The following SPIDR variants were observed in gnomAD, a reference collection of about 807,000 sequenced individuals.
The protein encoded by SPIDR is DNA repair-scaffolding protein.
SPIDR carries 93 observed loss-of-function variants against 104.6 expected under a neutral mutation model. The observed-to-expected ratio is 0.89, with a 90% confidence interval of 0.75 to 1.06. The LOEUF (loss-of-function observed/expected upper bound fraction) is 1.06. SPIDR is among the 50% of genes least tolerant of loss of function. The pLI is 0.00. For missense variants in SPIDR, 1,154 were observed against 1,111.2 expected, an observed-to-expected ratio of 1.04 and a Z score of -0.55; for synonymous variants, 431 against 416.9, an observed-to-expected ratio of 1.03 and a Z score of -0.41.
At chr8:47,261,289 A>C (rs897364904) in intron 1 of SPIDR, among the ~76,000 whole-genome samples, 9 of 152,190 alleles carry the variant, frequency 5.9e-5, no homozygotes, top group African/African-American at 2.2e-4. Context: ...CCTCGGGGGT[A>C]CTTGGCCTTA....
At chr8:47,683,014 CA>C (rs2077295644) in intron 11 of SPIDR, among the ~76,000 whole-genome samples, 1 of 152,174 alleles carries the variant, frequency 6.6e-6, no homozygotes, top group Non-Finnish European at 1.5e-5. Context: ...TTGGAACACC[CA>C]TCTGTTTGAT....
chr8:47,500,434 A>G (rs1415006085), intron 8 of SPIDR, among the ~76,000 whole-genome samples: 3 of 152,210 alleles, frequency 2.0e-5, no homozygotes, highest in African/African-American at 7.2e-5. Flanking sequence ...GGCTGCATAA[A>G]TGTCTTCTTT....
chr8:47,357,886 T>G (rs1777930020), intron 5 of SPIDR: 1 of 983,642 alleles, frequency 1.0e-6, no homozygotes, highest in South Asian at 4.7e-5. Context: ...TAAATGATAC[T>G]GGAGAGCATT....
chr8:47,340,671 G>A (rs1198905277), intron 5 of SPIDR, among the ~76,000 whole-genome samples: 1 of 152,158 alleles, frequency 6.6e-6, no homozygotes, highest in Non-Finnish European at 1.5e-5. Flanking sequence ...GTAATTAGGT[G>A]GAGATCTCTG....
At chr8:47,511,216 T>G in intron 8 of SPIDR, 1 of 1,591,406 alleles carries the variant, frequency 6.3e-7, no homozygotes, top group Non-Finnish European at 8.6e-7. Flanking sequence ...GTTAAATTTC[T>G]GCACCAGCCT....
At chr8:47,385,758 A>G (rs907909162) in intron 5 of SPIDR, among the ~76,000 whole-genome samples, 3 of 152,224 alleles carry the variant, frequency 2.0e-5, no homozygotes, top group African/African-American at 7.2e-5. Context: ...TTGTACATCA[A>G]AGAAAACAAA....
intron 5 of SPIDR, among the ~76,000 whole-genome samples, chr8:47,307,919 T>C (rs2043385297): frequency 1.3e-5 from 2 of 152,070 alleles, no homozygotes; most frequent in South Asian, 4.1e-4. Flanking sequence ...TCAAGGACAG[T>C]TGTGTTGTTT....
At position 47,421,104 on chromosome 8, in the gene SPIDR, T is replaced by G. The variant is rs539518347; in HGVS notation, c.877+13143T>G. ...TTATGTGTCTTGGAGTTGCTCTTCTTGAACAGTATCTTTGTGCTGTTCTCT... is the reference window on the plus strand; with the variant it reads ...TTATGTGTCTTGGAGTTGCTCTTCTGGAACAGTATCTTTGTGCTGTTCTCT... On this transcript the variant is annotated intron_variant, in intron 7 of 19. Coordinates refer to ENST00000297423, the MANE Select transcript of SPIDR (RefSeq NM_001080394.4). Among the ~76,000 whole-genome samples the G allele has an allele frequency of 5.9e-5, 9 of 152,328 alleles. No individual in the cohort carries two copies. In the East Asian group the frequency reaches 1.7e-3, roughly 29 times the overall value.
intron 7 of SPIDR, among the ~76,000 whole-genome samples, chr8:47,435,562 TC>T (rs2068146788): frequency 6.6e-6 from 1 of 152,224 alleles, no homozygotes; most frequent in South Asian, 2.1e-4. Context: ...ATCTTTCTGT[TC>T]CTGTTTCTTA....
chr8:47,527,032 A>G (rs992327774), intron 8 of SPIDR, among the ~76,000 whole-genome samples: 12 of 151,976 alleles, frequency 7.9e-5, no homozygotes, highest in South Asian at 6.2e-4. Flanking sequence ...TGCAAGTTAC[A>G]CTCCAGGGGG....
At chr8:47,288,381 G>T (rs1328274594) in intron 3 of SPIDR, among the ~76,000 whole-genome samples, 1 of 151,970 alleles carries the variant, frequency 6.6e-6, no homozygotes, top group African/African-American at 2.4e-5. Context: ...TGCCTCCTGG[G>T]TTCAAGCAAT....
intron 5 of SPIDR, among the ~76,000 whole-genome samples, chr8:47,331,965 C>CTTTTTTTTTTTTTTTTTT (rs1183447584): frequency 5.5e-4 from 18 of 32,710 alleles, no homozygotes; most frequent in East Asian, 2.6e-3. Flanking sequence ...TTTTTTTAAA[C>CTTTTTTTTTTTTTTTTTT]TTTTTTTTTT....
chr8:47,641,497 T>A (rs1478226116), intron 10 of SPIDR, among the ~76,000 whole-genome samples: 1 of 152,246 alleles, frequency 6.6e-6, no homozygotes, highest in Non-Finnish European at 1.5e-5. Context: ...GTGCCTACTA[T>A]AGATGAGACG....
At chr8:47,417,983 G>T (rs536944696) in intron 7 of SPIDR, among the ~76,000 whole-genome samples, 3 of 152,106 alleles carry the variant, frequency 2.0e-5, no homozygotes, top group African/African-American at 7.2e-5. Context: ...ATTGGTCTAT[G>T]TCTCTGTTTT....
At chr8:47,693,286 A>G (rs996250054) in intron 11 of SPIDR, among the ~76,000 whole-genome samples, 3 of 152,252 alleles carry the variant, frequency 2.0e-5, no homozygotes, top group Non-Finnish European at 2.9e-5. Flanking sequence ...TGTGTCACCA[A>G]CTAGCCTAGA....
chr8:47,659,666 T>C, intron 10 of SPIDR: 1 of 976,002 alleles, frequency 1.0e-6, no homozygotes, highest in African/African-American at 1.8e-5. Flanking sequence ...CCCCCGCCTT[T>C]TCTCAGCGGC....
At chr8:47,263,477 C>T (rs762919758) in intron 1 of SPIDR, among the ~76,000 whole-genome samples, 2 of 152,022 alleles carry the variant, frequency 1.3e-5, no homozygotes, top group Non-Finnish European at 2.9e-5. Context: ...GCCTCCACAC[C>T]GGGCTAATTT....
intron 17 of SPIDR, among the ~76,000 whole-genome samples, chr8:47,727,761 T>C (rs899196446): frequency 2.6e-5 from 4 of 152,178 alleles, no homozygotes; most frequent in African/African-American, 9.7e-5. Flanking sequence ...AAGTCAGTCC[T>C]CCGGCCTCCC....
At position 47,713,614 on chromosome 8, in the gene SPIDR, C is replaced by A. The variant is rs2082170890; in HGVS notation, c.2314C>A (p.Pro772Thr). The A allele has an allele frequency of 1.2e-6, 2 of 1,614,052 alleles. No individual in the cohort carries two copies. The highest frequency in any genetic ancestry group is 1.6e-4 in the Middle Eastern group (1 of 6,070). The change falls in exon 16 of 20, where the codon CCT (proline) becomes ACT (threonine). Residue 772 changes from proline to threonine, a missense_variant. By Grantham distance (38) the Pro-to-Thr change is conservative (BLOSUM62 -1). Transcript: ENST00000297423. ...VMLDSLDSAT[P>T]VNSICSVQGT... is the part of the protein sequence containing the mutation. Reference sequence around the variant, plus strand: ...GCTCGACAGCCTGGACTCTGCAACACCTGTCAACTCCATCTGCAGTGTTCA... The same window carrying A: ...GCTCGACAGCCTGGACTCTGCAACAACTGTCAACTCCATCTGCAGTGTTCA...
Sources: gnomAD v4.1 joint callset for allele counts (sites outside exome capture counted in the v4.1 genomes callset) on GRCh38, gnomAD v4.1.1 for gene constraint, MANE v1.5 for transcripts, NCBI Gene and HGNC (gene_info 2026-07-23, HGNC 2026-07-21) for gene names.